The following PPARGC1B variants were observed in gnomAD, a reference collection of about 807,000 sequenced individuals.
The protein encoded by PPARGC1B is PPARG coactivator 1 beta.
A neutral mutation model predicts 101.6 loss-of-function variants in PPARGC1B; 34 were observed. The observed-to-expected ratio is 0.33, with a 90% CI of 0.25 to 0.45. The LOEUF is 0.45. Among genes scored for constraint, PPARGC1B ranks in the 20% least tolerant of loss-of-function variants. PPARGC1B has a pLI of 1.00. For missense variants in PPARGC1B, 1,234 were observed against 1,317.6 expected (o/e 0.94, Z 0.98); for synonymous variants, 548 against 539.3 (o/e 1.02, Z -0.22).
At chr5:149,757,791 G>A (rs1755590676) in intron 1 of PPARGC1B, among the ~76,000 whole-genome samples, 1 of 152,218 alleles carries the variant, frequency 6.6e-6, no homozygotes, top group African/African-American at 2.4e-5. Flanking sequence ...ATGGTGCAGA[G>A]AAACTAGCGT....
rs1759728486 is a variant in PPARGC1B at position 149,850,563 on chromosome 5, T to G, written c.*3005T>G. ...AGGACTCATTCGGTGCTGTGTATTA[T>G]TTAGGGCAACTCCAAGGTCTATTCA... On this transcript the variant is annotated 3_prime_UTR_variant, in exon 12 of 12. Coordinates refer to ENST00000309241, the MANE Select transcript of PPARGC1B (RefSeq NM_133263.4). 6.6e-6 allele frequency: 1 copy of G among 152,198 alleles called. No individual in the cohort carries two copies. The highest frequency in any genetic ancestry group is 2.1e-4 in the South Asian group (1 of 4,818). 9.4% of individuals were successfully genotyped at this position (152,198 alleles called of 1,614,324 possible).
chr5:149,793,115 G>A (rs1757082518), intron 1 of PPARGC1B, among the ~76,000 whole-genome samples: 1 of 152,066 alleles, frequency 6.6e-6, no homozygotes, highest in Non-Finnish European at 1.5e-5. Context: ...GCCTCCCTGT[G>A]GTTCCCTGCC....
chr5:149,844,235 A>G (rs1759460204), intron 10 of PPARGC1B, among the ~76,000 whole-genome samples: 1 of 152,256 alleles, frequency 6.6e-6, no homozygotes, highest in South Asian at 2.1e-4. Flanking sequence ...TGAAGATAGC[A>G]TGCAAAAATA....
intron 1 of PPARGC1B, among the ~76,000 whole-genome samples, chr5:149,797,719 G>C (rs1298371994): frequency 6.6e-6 from 1 of 152,160 alleles, no homozygotes; most frequent in Non-Finnish European, 1.5e-5. Context: ...TGAGGAGTTC[G>C]AGACCAGCCT....
At chr5:149,779,528 G>A (rs934597194) in intron 1 of PPARGC1B, among the ~76,000 whole-genome samples, 7 of 152,166 alleles carry the variant, frequency 4.6e-5, no homozygotes, top group African/African-American at 1.7e-4. Flanking sequence ...AGACCAGCAG[G>A]CCACTGCATC....
At position 149,837,027 on chromosome 5, in the gene PPARGC1B, T is replaced by A. The variant is rs1759121779; in HGVS notation, c.2572T>A (p.Ser858Thr). Residue 858 changes from serine (S) to threonine (T), a missense_variant, in exon 8 of 12, where the codon TCT becomes ACT. Ser to Thr is a moderately conservative substitution (Grantham distance 58, BLOSUM62 1). Transcript: ENST00000309241. The surrounding 1 kb of genome is among the most constrained non-coding windows in gnomAD (Gnocchi z 4.2). ...LCSRSRSSSG[S>T]SPCHSWSPAT... is the part of the protein sequence containing the mutation. ...TTCCCGCAGCCGCTCAAGCTCTGGCTCTTCACCCTGCCACTCCTGGTCACC... is the reference window on the plus strand; with the variant it reads ...TTCCCGCAGCCGCTCAAGCTCTGGCACTTCACCCTGCCACTCCTGGTCACC... 1 of 1,613,526 alleles carries A rather than the reference T, an allele frequency of 6.2e-7. No individual in the cohort carries two copies. Among genetic ancestry groups the A allele is most frequent in the South Asian group, 1.1e-5 (1 of 91,062 alleles).
At chr5:149,843,834 C>T (rs1413640905) in intron 10 of PPARGC1B, among the ~76,000 whole-genome samples, 1 of 152,244 alleles carries the variant, frequency 6.6e-6, no homozygotes, top group African/African-American at 2.4e-5. Flanking sequence ...GAAATTCTGA[C>T]TCACGTCACC....
At chr5:149,842,901 C>A (rs1280723736) in intron 10 of PPARGC1B, among the ~76,000 whole-genome samples, 1 of 152,186 alleles carries the variant, frequency 6.6e-6, no homozygotes, top group Non-Finnish European at 1.5e-5. Flanking sequence ...GGTATGGCGG[C>A]TCACACTTGT....
chr5:149,796,195 A>T (rs1325171616), intron 1 of PPARGC1B, among the ~76,000 whole-genome samples: 2 of 152,164 alleles, frequency 1.3e-5, no homozygotes, highest in East Asian at 3.9e-4. Context: ...GGTGGTGGCC[A>T]CTTCAGAGTG....
chr5:149,787,414 A>G (rs1005066719), intron 1 of PPARGC1B, among the ~76,000 whole-genome samples: 13 of 152,310 alleles, frequency 8.5e-5, no homozygotes, highest in Admixed American at 8.5e-4. Flanking sequence ...CCTTGTGCCC[A>G]CTGAACCTCT....
intron 1 of PPARGC1B, among the ~76,000 whole-genome samples, chr5:149,809,845 G>A (rs1485547752): frequency 1.3e-5 from 2 of 152,106 alleles, no homozygotes; most frequent in Admixed American, 6.5e-5. Flanking sequence ...GGCCAGAGAC[G>A]GGATGGCCAT....
Position 149,730,854 on chromosome 5 carries a change from T to G in PPARGC1B, c.78+434T>G, listed in dbSNP as rs1754429480. 6.6e-6 allele frequency among the ~76,000 whole-genome samples: 1 copy of G among 152,192 alleles called. No homozygotes were observed. On this transcript the variant is annotated intron_variant, in intron 1 of 11. Coordinates refer to ENST00000309241, the MANE Select transcript of PPARGC1B (RefSeq NM_133263.4). The surrounding 1 kb of genome is among the most constrained non-coding windows in gnomAD (Gnocchi z 4.0). ...CCCGGCACGGGTGCATGCCCGGGTC[T>G]CCGGAGTCCCCTAGTCCTCCAGGCT... is the stretch of plus-strand genomic sequence containing the variant.
chr5:149,826,620 G>C, intron 2 of PPARGC1B, 53 bp from the exon 3 acceptor site: 1 of 1,406,272 alleles, frequency 7.1e-7, no homozygotes, highest in Non-Finnish European at 1.0e-6. Flanking sequence ...CTAAGGTGGT[G>C]ACTAACCATC....
chr5:149,819,983 C>T (rs1758219100), intron 1 of PPARGC1B, among the ~76,000 whole-genome samples: 1 of 151,468 alleles, frequency 6.6e-6, no homozygotes, highest in South Asian at 2.1e-4. Context: ...GGGTGTTTCT[C>T]CAGAACCTAG....
rs73796242 is a variant in PPARGC1B, at chr5:149,749,462, C to T, written c.78+19042C>T. On this transcript the variant is annotated intron_variant, in intron 1 of 11. Transcript: ENST00000309241. The stretch of plus-strand genomic sequence containing the variant: ...AGATGTTTTTTGAATGGAGCCCCTC[C>T]GCTACTGCTGTCTGAGTTCCCTGCC... Among the ~76,000 whole-genome samples the T allele has an allele frequency of 3.8e-3, 585 of 152,274 alleles. 3 individuals carry two copies. The highest frequency in any genetic ancestry group is 0.013 in the African/African-American group (528 of 41,548).
intron 3 of PPARGC1B, among the ~76,000 whole-genome samples, chr5:149,830,056 A>G (rs1187730311): frequency 2.9e-3 from 171 of 58,558 alleles, no homozygotes; most frequent in African/African-American, 0.011. Context: ...AAAAAAAAAG[A>G]AAAAAAAAAA....
intron 1 of PPARGC1B, among the ~76,000 whole-genome samples, chr5:149,817,093 T>TC (rs1329715163): frequency 6.6e-6 from 1 of 152,132 alleles, no homozygotes; most frequent in Non-Finnish European, 1.5e-5. Flanking sequence ...TTGGGCTCAG[T>TC]CCCCACGGGG....
intron 1 of PPARGC1B, among the ~76,000 whole-genome samples, chr5:149,738,182 C>T (rs1259330288): frequency 6.6e-6 from 1 of 152,122 alleles, no homozygotes; most frequent in Non-Finnish European, 1.5e-5. Flanking sequence ...TCGTTTATTT[C>T]ATCCACCTTG....
At chr5:149,744,608 C>T (rs1755024740) in intron 1 of PPARGC1B, among the ~76,000 whole-genome samples, 1 of 152,158 alleles carries the variant, frequency 6.6e-6, no homozygotes, top group Non-Finnish European at 1.5e-5. Flanking sequence ...CTATCAAAAG[C>T]AGGCAAAAGT....
Sources: gnomAD v4.1 joint callset for allele counts (sites outside exome capture counted in the v4.1 genomes callset) on GRCh38, gnomAD v4.1.1 for gene constraint, Gnocchi (gnomAD v3.1) non-coding constraint, MANE v1.5 for transcripts, NCBI Gene and HGNC (gene_info 2026-07-23, HGNC 2026-07-21) for gene names.